TBC1D23: variants seen among roughly 807,000 people sequenced by gnomAD.
TBC1D23 encodes TBC1 domain family member 23.
Under a neutral mutation model 91.4 loss-of-function variants are expected in TBC1D23, and 55 were observed. The observed-to-expected ratio is 0.60, with a 90% CI of 0.48 to 0.75. The LOEUF (loss-of-function observed/expected upper bound fraction) is 0.75. Among genes scored for constraint, TBC1D23 ranks in the 30% least tolerant of loss-of-function variants. The pLI is 0.00. For synonymous variants in TBC1D23, 289 were observed against 281.0 expected, an observed-to-expected ratio of 1.03 and a Z score of -0.28; for missense variants, 725 against 836.1, an observed-to-expected ratio of 0.87 and a Z score of 1.64.
intron 16 of TBC1D23, 36 bp downstream of exon 16, chr3:100,316,223 G>T (rs1251970617): frequency 1.4e-6 from 2 of 1,439,980 alleles, no homozygotes; most frequent in East Asian, 2.3e-5. Flanking sequence ...CAGCTTTGCT[G>T]TCATTAGGAG....
chr3:100,318,176 A>G (rs1392010802), intron 16 of TBC1D23, among the ~76,000 whole-genome samples: 1 of 150,494 alleles, frequency 6.6e-6, no homozygotes, highest in Non-Finnish European at 1.5e-5. Flanking sequence ...TTCCTTTTTC[A>G]TTATGTCTCT....
intron 2 of TBC1D23, among the ~76,000 whole-genome samples, chr3:100,280,728 A>T (rs1451181688): frequency 6.6e-6 from 1 of 152,238 alleles, no homozygotes; most frequent in Non-Finnish European, 1.5e-5. Context: ...ATGTGCCCAT[A>T]ACCCAGCTTT....
intron 16 of TBC1D23, among the ~76,000 whole-genome samples, chr3:100,317,664 C>T (rs1024505407): frequency 1.3e-5 from 2 of 148,734 alleles, no homozygotes; most frequent in Non-Finnish European, 3.0e-5. Context: ...TCCTTTTCTT[C>T]TTTTTTCCCC....
intron 12 of TBC1D23, 69 bp from the exon 13 acceptor site, chr3:100,306,368 G>T: frequency 2.4e-6 from 2 of 827,036 alleles, no homozygotes; most frequent in Middle Eastern, 2.3e-4. Flanking sequence ...ATTGTATTTC[G>T]TTGGTAATGA....
At chr3:100,322,121 G>A (rs1278112207) in intron 18 of TBC1D23, among the ~76,000 whole-genome samples, 2 of 151,560 alleles carry the variant, frequency 1.3e-5, no homozygotes, top group Non-Finnish European at 2.9e-5. Flanking sequence ...TTTTTGAGAC[G>A]GAGTCTCTGT....
At chr3:100,274,338 T>C (rs1414560714) in intron 1 of TBC1D23, among the ~76,000 whole-genome samples, 1 of 152,172 alleles carries the variant, frequency 6.6e-6, no homozygotes, top group Non-Finnish European at 1.5e-5. Flanking sequence ...AGGGCCAAAA[T>C]TGAAACCCAG....
chr3:100,283,458 G>T (rs1373967905), intron 3 of TBC1D23, 149 bp from the exon 4 acceptor site: 1 of 599,748 alleles, frequency 1.7e-6, no homozygotes. Flanking sequence ...GTTAAAATAA[G>T]TATAAGGGAA....
intron 4 of TBC1D23, among the ~76,000 whole-genome samples, chr3:100,285,979 T>C (rs1240381227): frequency 3.3e-5 from 5 of 152,184 alleles, no homozygotes; most frequent in African/African-American, 1.2e-4. Context: ...AGTAAGCCTT[T>C]AGAGTTTCAG....
intron 1 of TBC1D23, among the ~76,000 whole-genome samples, chr3:100,264,110 G>T (rs2148847381): frequency 6.6e-6 from 1 of 152,290 alleles, no homozygotes; most frequent in South Asian, 2.1e-4. Flanking sequence ...GTTCAGTAAA[G>T]GCTCTGTTCT....
At chr3:100,311,792 TA>T in intron 14 of TBC1D23, 40 bp from the exon 15 acceptor site, 1 of 1,454,152 alleles carries the variant, frequency 6.9e-7, no homozygotes, top group Admixed American at 2.0e-5. Flanking sequence ...GCATTTTTTT[TA>T]TAATCATTTT....
intron 1 of TBC1D23, among the ~76,000 whole-genome samples, chr3:100,262,723 C>CAAAAAAAAA (rs1174689237): frequency 1.8e-4 from 9 of 51,404 alleles, no homozygotes; most frequent in African/African-American, 2.2e-4. Flanking sequence ...GGCTCGGTCT[C>CAAAAAAAAA]AAAAAAAAAA....
At chr3:100,271,129 T>C (rs2067595935) in intron 1 of TBC1D23, among the ~76,000 whole-genome samples, 1 of 152,152 alleles carries the variant, frequency 6.6e-6, no homozygotes, top group Non-Finnish European at 1.5e-5. Context: ...TCTTAAGTGT[T>C]TTAGATTTGG....
chr3:100,265,997 T>C (rs1362344513), intron 1 of TBC1D23, among the ~76,000 whole-genome samples: 2 of 152,122 alleles, frequency 1.3e-5, no homozygotes, highest in African/African-American at 4.8e-5. Flanking sequence ...AGATATGATA[T>C]AATCAATAAA....
At chr3:100,289,175 A>G (rs913469222) in intron 4 of TBC1D23, among the ~76,000 whole-genome samples, 2 of 152,114 alleles carry the variant, frequency 1.3e-5, no homozygotes, top group African/African-American at 4.8e-5. Context: ...AGATCACGCC[A>G]TTGCACTCCA....
chr3:100,301,825 A>T, intron 10 of TBC1D23: 1 of 396,828 alleles, frequency 2.5e-6, no homozygotes, highest in Non-Finnish European at 4.4e-6. Flanking sequence ...TTTCTCTAGT[A>T]GAGAATTATT....
chr3:100,270,595 A>G (rs2067592259), intron 1 of TBC1D23, among the ~76,000 whole-genome samples: 1 of 152,202 alleles, frequency 6.6e-6, no homozygotes, highest in Admixed American at 6.5e-5. Context: ...AGATAATCAC[A>G]GGTTATATTT....
intron 9 of TBC1D23, among the ~76,000 whole-genome samples, chr3:100,298,571 A>G (rs1449079429): frequency 6.6e-6 from 1 of 152,178 alleles, no homozygotes; most frequent in Non-Finnish European, 1.5e-5. Flanking sequence ...GGTGTAGTGT[A>G]TTTCCAAGGT....
At chr3:100,266,980 G>A (rs2067563009) in intron 1 of TBC1D23, among the ~76,000 whole-genome samples, 1 of 152,206 alleles carries the variant, frequency 6.6e-6, no homozygotes, top group Admixed American at 6.5e-5. Context: ...CTGAATAGTG[G>A]TTATATTCAA....
rs1002935885 is a variant in TBC1D23, at chr3:100,264,199, T to G, written c.53+3128T>G. ...TTTGTTTTGTTGAAGAAACGAGGTC[T>G]CGCCATGTTGCCCAGGCTGGCCTCA... On this transcript the variant is annotated intron_variant, in intron 1 of 18. Transcript: ENST00000394144. Among the ~76,000 whole-genome samples the G allele has an allele frequency of 5.9e-5, 9 of 152,274 alleles. No individual in the cohort carries two copies. The East Asian group carries it at 1.5e-3, about 26-fold the overall frequency.
Sources: allele counts gnomAD v4.1 joint callset (sites outside exome capture counted in the v4.1 genomes callset), GRCh38; gene constraint gnomAD v4.1.1; transcripts MANE v1.5; gene names NCBI Gene and HGNC (gene_info 2026-07-23, HGNC 2026-07-21).